Variants in ARHGAP18 observed in about 807,000 individuals in gnomAD.
ARHGAP18 encodes Rho GTPase activating protein 18, also known as rho GTPase-activating protein 18.
In ARHGAP18, 67 loss-of-function variants were observed where a neutral mutation model predicts 86.2. The ratio of observed to expected loss-of-function variants is 0.78; its 90% CI spans 0.64 to 0.95. The LOEUF (loss-of-function observed/expected upper bound fraction) is 0.95. ARHGAP18 is among the 40% of genes least tolerant of loss of function. ARHGAP18 has a pLI of 0.00. For synonymous variants in ARHGAP18, 283 were observed against 280.4 expected (o/e 1.01, Z -0.09); for missense variants, 691 against 780.4 (o/e 0.89, Z 1.37).
intron 6 of ARHGAP18, among the ~76,000 whole-genome samples, chr6:129,616,621 A>G (rs1789104412): frequency 6.6e-6 from 1 of 152,218 alleles, no homozygotes; most frequent in Non-Finnish European, 1.5e-5. Flanking sequence ...CAAATAATTT[A>G]CTAAATGTAA....
At chr6:129,603,220 A>G (rs1788784398) in intron 10 of ARHGAP18, among the ~76,000 whole-genome samples, 1 of 151,872 alleles carries the variant, frequency 6.6e-6, no homozygotes, top group South Asian at 2.1e-4. Context: ...CTTAGCTCCT[A>G]CTTATAAGTG....
chr6:129,648,411 G>C (rs1041525739), intron 1 of ARHGAP18, among the ~76,000 whole-genome samples: 1 of 151,678 alleles, frequency 6.6e-6, no homozygotes, highest in Non-Finnish European at 1.5e-5. Flanking sequence ...CAATCCTCCT[G>C]TCTTAGCCTC....
chr6:129,641,945 G>C lies in ARHGAP18; in HGVS notation c.187C>G (p.Arg63Gly). ...TCCAAAGAATCCTGGGAAATTGATC[G>C]ATCAAATGGAGGCTTCTCCATAACT... ...IKVMEKPPFD[R>G]SISQDSLDEL... is the part of the protein sequence containing the mutation. The change falls in exon 2 of 15, where the codon CGA (arginine) becomes GGA (glycine). Residue 63 changes from arginine to glycine, a missense_variant. Coordinates refer to ENST00000368149, the MANE Select transcript of ARHGAP18 (RefSeq NM_033515.3). 6.2e-7 allele frequency: 1 copy of C among 1,613,876 alleles called. No individual in the cohort carries two copies.
chr6:129,629,895 G>T (rs1773161674), intron 4 of ARHGAP18, among the ~76,000 whole-genome samples: 1 of 152,172 alleles, frequency 6.6e-6, no homozygotes, highest in African/African-American at 2.4e-5. Context: ...AAAAAAGAAG[G>T]AGGTGATGAG....
At chr6:129,593,910 AACT>A (rs1160640600) in intron 12 of ARHGAP18, among the ~76,000 whole-genome samples, 1 of 152,228 alleles carries the variant, frequency 6.6e-6, no homozygotes, top group Non-Finnish European at 1.5e-5. Flanking sequence ...ATTATTAATT[AACT>A]AGTGTAGTCT....
At chr6:129,656,819 T>C (rs997226857) in intron 1 of ARHGAP18, among the ~76,000 whole-genome samples, 5 of 152,196 alleles carry the variant, frequency 3.3e-5, no homozygotes, top group African/African-American at 1.2e-4. Flanking sequence ...GCCCATTTCC[T>C]CTGAGCAAAT....
At chr6:129,698,688 CCA>C (rs1201595718) in intron 1 of ARHGAP18, among the ~76,000 whole-genome samples, 3 of 123,654 alleles carry the variant, frequency 2.4e-5, no homozygotes, top group African/African-American at 9.2e-5. Context: ...ACCACCACGC[CCA>C]GTTTTTTTTT....
chr6:129,629,443 C>T lies in ARHGAP18; in HGVS notation c.696G>A (p.Leu232=), dbSNP rs1251221930. ...GTGCTTGCTCGGCAAATGATACCTC[C>T]AGGTTGATGTCTGTTTCAGGGGCAG... ...ETPAPETDIN[L]EVSFAEQALN... is the part of the protein sequence containing the mutation. The change falls in exon 5 of 15, where the codon CTG becomes CTA. Residue 232 remains leucine (L), a synonymous_variant. Transcript: ENST00000368149. The T allele has an allele frequency of 1.2e-6, 2 of 1,613,830 alleles. No homozygotes were observed. Among genetic ancestry groups the T allele is most frequent in the Non-Finnish European group, 1.7e-6 (2 of 1,179,946 alleles).
chr6:129,693,248 C>G (rs1774557646), intron 1 of ARHGAP18, among the ~76,000 whole-genome samples: 1 of 152,206 alleles, frequency 6.6e-6, no homozygotes, highest in South Asian at 2.1e-4. Context: ...AGGAGACTCA[C>G]AGTCATCTTA....
chr6:129,599,060 T>C (rs1242958145), intron 12 of ARHGAP18, 156 bp downstream of exon 12: 4 of 578,952 alleles, frequency 6.9e-6, no homozygotes, highest in African/African-American at 3.9e-5. Context: ...TTAGCAGCAG[T>C]AGTAGGAAGA....
chr6:129,669,221 G>C (rs1165975942), intron 1 of ARHGAP18, among the ~76,000 whole-genome samples: 1 of 151,602 alleles, frequency 6.6e-6, no homozygotes, highest in African/African-American at 2.4e-5. Context: ...GCCCAGGCTG[G>C]AGTGCAATGG....
chr6:129,629,308 T>G, intron 5 of ARHGAP18, 45 bp downstream of exon 5: 1 of 1,517,348 alleles, frequency 6.6e-7, no homozygotes, highest in Non-Finnish European at 9.1e-7. Flanking sequence ...TGTATATATA[T>G]GTATATGTAC....
At chr6:129,662,347 C>A (rs982564202) in intron 1 of ARHGAP18, among the ~76,000 whole-genome samples, 6 of 152,220 alleles carry the variant, frequency 3.9e-5, no homozygotes, top group African/African-American at 1.4e-4. Flanking sequence ...CTTCTCAGCT[C>A]CTTGGAACAA....
At chr6:129,636,393 T>C (rs909487941) in intron 3 of ARHGAP18, among the ~76,000 whole-genome samples, 4 of 152,338 alleles carry the variant, frequency 2.6e-5, no homozygotes, top group African/African-American at 9.6e-5. Context: ...AACCCTTTCA[T>C]TCCTTTTTTA....
At chr6:129,670,435 G>A (rs553911327) in intron 1 of ARHGAP18, among the ~76,000 whole-genome samples, 1 of 152,238 alleles carries the variant, frequency 6.6e-6, no homozygotes, top group South Asian at 2.1e-4. Flanking sequence ...AGAACTGAGT[G>A]GCAACAATGT....
chr6:129,622,384 T>C (rs547454425), intron 5 of ARHGAP18, among the ~76,000 whole-genome samples: 7 of 152,330 alleles, frequency 4.6e-5, no homozygotes, highest in African/African-American at 1.4e-4. Flanking sequence ...GCTTTGGGTC[T>C]AATAAGTCAA....
intron 6 of ARHGAP18, among the ~76,000 whole-genome samples, chr6:129,617,952 C>T (rs1789130089): frequency 1.3e-5 from 2 of 152,042 alleles, no homozygotes; most frequent in Non-Finnish European, 2.9e-5. Context: ...AACAAGAGGA[C>T]AAAGATTCCT....
chr6:129,580,525 A>T (rs1306304548), intron 13 of ARHGAP18, among the ~76,000 whole-genome samples: 13 of 152,234 alleles, frequency 8.5e-5, no homozygotes, highest in Non-Finnish European at 1.8e-4. Context: ...ACTCTTATTC[A>T]ATAAGTATTT....
chr6:129,603,457 G>A (rs1788790333), intron 10 of ARHGAP18, among the ~76,000 whole-genome samples: 1 of 152,002 alleles, frequency 6.6e-6, no homozygotes, highest in African/African-American at 2.4e-5. Flanking sequence ...TTTATCACTG[G>A]CCTGGTGGTA....
Sources: gnomAD v4.1 joint callset for allele counts (sites outside exome capture counted in the v4.1 genomes callset) on GRCh38, gnomAD v4.1.1 for gene constraint, MANE v1.5 for transcripts, NCBI Gene and HGNC (gene_info 2026-07-23, HGNC 2026-07-21) for gene names.